ZNF804B: variants seen among roughly 807,000 people sequenced by gnomAD.
The protein encoded by ZNF804B is zinc finger 804B.
In ZNF804B, 80 loss-of-function variants were observed where a neutral mutation model predicts 101.4. The ratio of observed to expected loss-of-function variants is 0.79; its 90% confidence interval spans 0.66 to 0.95. ZNF804B has a LOEUF of 0.95. Among genes scored for constraint, ZNF804B ranks in the 40% least tolerant of loss-of-function variants. ZNF804B has a pLI of 0.00. For synonymous variants in ZNF804B, 622 were observed against 558.8 expected, an observed-to-expected ratio of 1.11 and a Z score of -1.59; for missense variants, 1,673 against 1,561.9, an observed-to-expected ratio of 1.07 and a Z score of -1.20.
intron 1 of ZNF804B, among the ~76,000 whole-genome samples, chr7:89,205,224 T>C (rs1409006396): frequency 6.6e-6 from 1 of 152,130 alleles, no homozygotes; most frequent in Non-Finnish European, 1.5e-5. Context: ...ATTATTATAA[T>C]TCAAGGTGAG....
At chr7:89,322,915 T>A (rs1216715888) in intron 2 of ZNF804B, among the ~76,000 whole-genome samples, 1 of 152,194 alleles carries the variant, frequency 6.6e-6, no homozygotes, top group East Asian at 1.9e-4. Flanking sequence ...ATTCTCTAAC[T>A]CATTTTATGA....
At chr7:88,923,711 G>A (rs910392935) in intron 1 of ZNF804B, among the ~76,000 whole-genome samples, 9 of 151,798 alleles carry the variant, frequency 5.9e-5, no homozygotes, top group South Asian at 4.2e-4. Flanking sequence ...GAGGTAATAG[G>A]TATTATCAAC....
At chr7:89,051,487 A>G (rs770590515) in intron 1 of ZNF804B, among the ~76,000 whole-genome samples, 1 of 152,092 alleles carries the variant, frequency 6.6e-6, no homozygotes. Context: ...TTTTTACTGG[A>G]TTCAAAAGCC....
At position 89,334,281 on chromosome 7, in the gene ZNF804B, C is replaced by A; in HGVS notation, c.1299C>A (p.Thr433=). ...NVQRLVKEAC[T]HNVASKPLPF... is the part of the protein sequence containing the mutation. ...AAAGACTTGTAAAAGAAGCATGTAC[C>A]CATAATGTGGCATCTAAACCACTAC... Residue 433 remains threonine, a synonymous_variant, in exon 4 of 4, where the codon ACC becomes ACA. Coordinates refer to ENST00000333190, the MANE Select transcript of ZNF804B (RefSeq NM_181646.5). The A allele has an allele frequency of 1.9e-6, 3 of 1,613,710 alleles. No homozygotes were observed. The highest frequency in any genetic ancestry group is 2.5e-6 in the Non-Finnish European group (3 of 1,179,812).
intron 1 of ZNF804B, among the ~76,000 whole-genome samples, chr7:89,103,088 A>T (rs75758137): frequency 1.2e-5 from 1 of 84,834 alleles, no homozygotes; most frequent in African/African-American, 5.6e-5. Flanking sequence ...TTTTTTACCA[A>T]TACTGTGGTG....
chr7:88,846,381 G>A (rs968056068), intron 1 of ZNF804B, among the ~76,000 whole-genome samples: 3 of 152,162 alleles, frequency 2.0e-5, no homozygotes, highest in African/African-American at 7.2e-5. Flanking sequence ...TAGCTTTCTG[G>A]AAGTTTATAG....
At chr7:89,182,861 CAT>C (rs986479190) in intron 1 of ZNF804B, among the ~76,000 whole-genome samples, 1 of 151,994 alleles carries the variant, frequency 6.6e-6, no homozygotes. Context: ...TTTTCAAAAA[CAT>C]ATATGAGTGC....
intron 1 of ZNF804B, among the ~76,000 whole-genome samples, chr7:88,980,623 C>A (rs143342481): frequency 6.6e-6 from 1 of 152,170 alleles, no homozygotes; most frequent in East Asian, 1.9e-4. Flanking sequence ...CTCTGGATTT[C>A]CAGGCAGAGA....
intron 1 of ZNF804B, among the ~76,000 whole-genome samples, chr7:89,197,718 A>G (rs1411724755): frequency 6.6e-6 from 1 of 151,850 alleles, no homozygotes; most frequent in Non-Finnish European, 1.5e-5. Flanking sequence ...GCACGCTTAG[A>G]TTCTTGATTT....
intron 1 of ZNF804B, among the ~76,000 whole-genome samples, chr7:88,963,373 G>A (rs529859991): frequency 1.1e-4 from 16 of 151,380 alleles, no homozygotes; most frequent in African/African-American, 3.6e-4. Flanking sequence ...CATGTATATG[G>A]TCAAATGATT....
intron 1 of ZNF804B, among the ~76,000 whole-genome samples, chr7:88,955,411 G>C (rs1793290045): frequency 6.6e-6 from 1 of 151,594 alleles, no homozygotes; most frequent in African/African-American, 2.4e-5. Flanking sequence ...CAAATGTGAA[G>C]AATATTAAGA....
intron 1 of ZNF804B, among the ~76,000 whole-genome samples, chr7:89,141,001 T>C (rs1339531163): frequency 6.6e-6 from 1 of 151,936 alleles, no homozygotes; most frequent in Non-Finnish European, 1.5e-5. Context: ...TTAGAGGACA[T>C]TGTAGGATTA....
rs529524191 is a variant in ZNF804B at position 89,242,974 on chromosome 7, A to G, written c.249+24679A>G. Among the ~76,000 whole-genome samples the G allele has an allele frequency of 4.6e-5, 7 of 151,936 alleles. No homozygotes were observed. In the East Asian group the frequency reaches 7.7e-4, roughly 17 times the overall value. On this transcript the variant is annotated intron_variant, in intron 2 of 3. Coordinates refer to ENST00000333190, the MANE Select transcript of ZNF804B (RefSeq NM_181646.5). ...TATGTTGGAAGAGTTGGCTATCACAATGTTACATAGGAGTAGATTCTTGTT... is the reference window on the plus strand; with the variant it reads ...TATGTTGGAAGAGTTGGCTATCACAGTGTTACATAGGAGTAGATTCTTGTT...
At chr7:88,905,626 G>T (rs1298220363) in intron 1 of ZNF804B, among the ~76,000 whole-genome samples, 1 of 152,108 alleles carries the variant, frequency 6.6e-6, no homozygotes, top group Admixed American at 6.5e-5. Flanking sequence ...CCCAAGTGCT[G>T]GGCTTACAGG....
rs370103475 is a variant in ZNF804B at position 89,180,432 on chromosome 7, C to T, written c.109-37723C>T. ...CAGAGTGAGTCTTGCCCCATGTTCACGCCCACCCCAGGCCAATGGTGGGTA... is the reference window on the plus strand; with the variant it reads ...CAGAGTGAGTCTTGCCCCATGTTCATGCCCACCCCAGGCCAATGGTGGGTA... On this transcript the variant is annotated intron_variant, in intron 1 of 3. Coordinates refer to ENST00000333190, the MANE Select transcript of ZNF804B (RefSeq NM_181646.5). 3.5e-3 allele frequency among the ~76,000 whole-genome samples: 532 copies of T among 152,114 alleles called. 4 individuals are homozygous for T. The highest frequency in any genetic ancestry group is 0.035 in the South Asian group (167 of 4,820).
At chr7:88,991,054 A>G (rs1793837757) in intron 1 of ZNF804B, among the ~76,000 whole-genome samples, 1 of 152,182 alleles carries the variant, frequency 6.6e-6, no homozygotes, top group South Asian at 2.1e-4. Flanking sequence ...AAAAATTAAG[A>G]AATACTATAC....
At chr7:89,265,303 C>CGTGCGCGCGT (rs1554386425) in intron 2 of ZNF804B, among the ~76,000 whole-genome samples, 1 of 135,886 alleles carries the variant, frequency 7.4e-6, no homozygotes. Context: ...TGCGCGTGCG[C>CGTGCGCGCGT]GCGCGCACAC....
Position 88,944,676 on chromosome 7 carries a change from C to T in ZNF804B, c.108+184592C>T, listed in dbSNP as rs558840286. Reference sequence around the variant, plus strand: ...ACATAGTATTAGGTAATAAAAGTAACCAGAGTCATTTAAAATATACAAAAG... The same window carrying T: ...ACATAGTATTAGGTAATAAAAGTAATCAGAGTCATTTAAAATATACAAAAG... On this transcript the variant is annotated intron_variant, in intron 1 of 3. Transcript: ENST00000333190. Among the ~76,000 whole-genome samples, 144 of 151,682 alleles carry T rather than the reference C, an allele frequency of 9.5e-4. 2 individuals are homozygous for T. The highest frequency in any genetic ancestry group is 5.6e-4 in the Non-Finnish European group (38 of 67,774).
At chr7:88,971,238 A>T (rs1490211738) in intron 1 of ZNF804B, among the ~76,000 whole-genome samples, 2 of 151,592 alleles carry the variant, frequency 1.3e-5, no homozygotes, top group East Asian at 2.0e-4. Flanking sequence ...TCAATGACTG[A>T]AGTTTCATAT....
Sources: allele counts gnomAD v4.1 joint callset (sites outside exome capture counted in the v4.1 genomes callset), GRCh38; gene constraint gnomAD v4.1.1; transcripts MANE v1.5; gene names NCBI Gene and HGNC (gene_info 2026-07-23, HGNC 2026-07-21).